The following ATAD2 variants were observed in gnomAD, a reference collection of about 807,000 sequenced individuals.
ATAD2 encodes ATPase family AAA domain-containing protein 2.
In ATAD2, 62 loss-of-function variants were observed where a neutral mutation model predicts 168.9. The observed-to-expected ratio is 0.37, with a 90% CI of 0.30 to 0.45. ATAD2 has a LOEUF of 0.45. ATAD2 is among the 20% of genes least tolerant of loss of function. ATAD2 has a pLI of 1.00. For synonymous variants in ATAD2, 613 were observed against 571.6 expected (o/e 1.07, Z -1.03); for missense variants, 1,419 against 1,667.8 (o/e 0.85, Z 2.60).
chr8:123,354,864 A>AATATAT lies in ATAD2; in HGVS notation c.1646+1519_1646+1524dup, dbSNP rs1251736641. 1.4e-3 allele frequency among the ~76,000 whole-genome samples: 89 copies of AATATAT among 64,696 alleles called. 1 individual carries two copies. Among genetic ancestry groups the AATATAT allele is most frequent in the African/African-American group, 6.7e-3 (77 of 11,514 alleles). 42.4% of individuals were successfully genotyped at this position (64,696 alleles called of 152,430 possible). On this transcript the variant is annotated intron_variant, in intron 13 of 27. Coordinates refer to ENST00000287394, the MANE Select transcript of ATAD2 (RefSeq NM_014109.4). ...AAAAAAAAAAAAAAAAAAAAAAAAA[A>AATATAT]ATATATATATATATATATATATATT...
chr8:123,389,560 A>T (rs1829752871), intron 1 of ATAD2, among the ~76,000 whole-genome samples: 1 of 151,526 alleles, frequency 6.6e-6, no homozygotes, highest in African/African-American at 2.4e-5. Context: ...GAATGGCGTG[A>T]ACCCAGAAGG....
intron 1 of ATAD2, among the ~76,000 whole-genome samples, chr8:123,386,827 T>C (rs1260535160): frequency 2.6e-5 from 4 of 151,590 alleles, no homozygotes; most frequent in Non-Finnish European, 2.9e-5. Context: ...ATAAGTGGTA[T>C]AAGAGAATCT....
chr8:123,325,524 G>A (rs564552573), intron 26 of ATAD2, among the ~76,000 whole-genome samples: 1 of 152,172 alleles, frequency 6.6e-6, no homozygotes, highest in Non-Finnish European at 1.5e-5. Flanking sequence ...CTGACCTCGT[G>A]ATCCGCCCAC....
At chr8:123,400,669 TACA>T (rs927898960), upstream of ATAD2, 1 of 723,616 alleles carries the variant, frequency 1.4e-6, no homozygotes, top group African/African-American at 1.7e-5. The surrounding 1 kb of genome is among the most constrained non-coding windows in gnomAD (Gnocchi z 4.5). Context: ...CAGCCTCACC[TACA>T]ACGAGTTCCT....
chr8:123,342,031 A>C (rs1265110791), intron 19 of ATAD2, among the ~76,000 whole-genome samples: 1 of 152,202 alleles, frequency 6.6e-6, no homozygotes, highest in African/African-American at 2.4e-5. Flanking sequence ...GGCTGCAGTG[A>C]GCCAAGATCG....
intron 2 of ATAD2, among the ~76,000 whole-genome samples, chr8:123,379,720 G>A (rs1008299395): frequency 6.0e-5 from 9 of 150,766 alleles, no homozygotes; most frequent in Non-Finnish European, 1.2e-4. Context: ...ATGCCACTAT[G>A]CCCAGCTATA....
Position 123,359,291 on chromosome 8 carries a change from G to C in ATAD2, c.1312C>G (p.Leu438Val). 6.2e-7 allele frequency: 1 copy of C among 1,612,704 alleles called. No individual in the cohort carries two copies. ...AATGGAAACACCACCATCTCTTTTA[G>C]AGCTGCTATATGATTAGACAGGCCA... ...VGGLSNHIAALKEMVVFPLLY... is the reference protein window; with the variant it reads ...VGGLSNHIAAVKEMVVFPLLY... Residue 438 changes from leucine to valine, a missense_variant, in exon 11 of 28, where the codon CTA becomes GTA. Physicochemically the swap from Leu to Val is conservative, Grantham distance 32 (BLOSUM62 1). Coordinates refer to ENST00000287394, the MANE Select transcript of ATAD2 (RefSeq NM_014109.4).
intron 1 of ATAD2, among the ~76,000 whole-genome samples, chr8:123,385,304 T>A (rs1829616626): frequency 6.6e-6 from 1 of 152,002 alleles, no homozygotes; most frequent in African/African-American, 2.4e-5. Context: ...AAATGCAAAT[T>A]AAAAGAGAGA....
rs116024965 is a variant in ATAD2 at position 123,409,052 on chromosome 8, C to T, written c.-2282+7196G>A. Among the ~76,000 whole-genome samples, 336 of 152,280 alleles carry T rather than the reference C, an allele frequency of 2.2e-3. 3 individuals are homozygous for T. Among genetic ancestry groups the T allele is most frequent in the African/African-American group, 7.8e-3 (324 of 41,568 alleles). ...TGTGTTGGCCAGACTCATCTAACTC[C>T]TGACCTCAGGTGATCCACTCGCCTC... On this transcript the variant is annotated intron_variant, in intron 1 of 28. Coordinates refer to the ATAD2 transcript ENST00000521903.
chr8:123,373,017 C>T lies in ATAD2; in HGVS notation c.321-331G>A, dbSNP rs921323600. On this transcript the variant is annotated intron_variant, in intron 2 of 27. Coordinates refer to ENST00000287394, the MANE Select transcript of ATAD2 (RefSeq NM_014109.4). ...ACGCCATTCTCCTGCCTCAGCTTCC[C>T]GAATAGTTGGGACTATAGGCTCCTG... Among the ~76,000 whole-genome samples the T allele has an allele frequency of 3.3e-5, 5 of 151,864 alleles. No individual in the cohort carries two copies. The East Asian group carries it at 5.8e-4, about 18-fold the overall frequency.
intron 14 of ATAD2, among the ~76,000 whole-genome samples, chr8:123,348,833 A>G (rs1828343216): frequency 6.6e-6 from 1 of 152,230 alleles, no homozygotes; most frequent in African/African-American, 2.4e-5. Flanking sequence ...CAAATAAGAG[A>G]AAAGTAACTA....
At chr8:123,375,537 C>T (rs1370596911) in intron 2 of ATAD2, among the ~76,000 whole-genome samples, 1 of 152,168 alleles carries the variant, frequency 6.6e-6, no homozygotes, top group Non-Finnish European at 1.5e-5. Context: ...GAACTAACAC[C>T]TACCTCCACA....
chr8:123,337,053 CAAAA>C (rs58960333), intron 21 of ATAD2, among the ~76,000 whole-genome samples: 9 of 62,002 alleles, frequency 1.5e-4, no homozygotes, highest in Admixed American at 3.3e-4. Flanking sequence ...ACCCTTACTA[CAAAA>C]AAAAAAAAAA....
chr8:123,387,669 GAAATGTTAGT>G (rs1161946779), intron 1 of ATAD2, among the ~76,000 whole-genome samples: 1 of 152,130 alleles, frequency 6.6e-6, no homozygotes, highest in African/African-American at 2.4e-5. Flanking sequence ...TTTAAGAGAG[GAAATGTTAGT>G]ATTTTGTTAA....
In ATAD2 at chr8:123,357,694, C is replaced by T; in HGVS notation, c.1425G>A (p.Leu475=). The change falls in exon 12 of 28, where the codon CTG becomes CTA. Residue 475 remains leucine, a synonymous_variant. Coordinates refer to ENST00000287394, the MANE Select transcript of ATAD2 (RefSeq NM_014109.4). The part of the protein sequence containing the change: ...FYGPPGTGKT[L]VARALANECS... Reference sequence around the variant, plus strand: ...ACTCATTGGCAAGTGCTCTGGCAACCAGAGTCTTTCCAGTTCCAGGTGGCC... The same window carrying T: ...ACTCATTGGCAAGTGCTCTGGCAACTAGAGTCTTTCCAGTTCCAGGTGGCC... 6.2e-7 allele frequency: 1 copy of T among 1,612,402 alleles called. No individual in the cohort carries two copies.
At position 123,357,693 on chromosome 8, in the gene ATAD2, C is replaced by T. The variant is rs768924744; in HGVS notation, c.1426G>A (p.Val476Ile). Residue 476 changes from valine to isoleucine, a missense_variant, in exon 12 of 28, where the codon GTT becomes ATT. By Grantham distance (29) the Val-to-Ile change is conservative. Around this residue, in one of 5 missense-constraint regions of ATAD2, gnomAD observed 146 missense variants for 188.3 expected, o/e 0.78. Coordinates refer to ENST00000287394, the MANE Select transcript of ATAD2 (RefSeq NM_014109.4). Reference protein sequence around the residue: ...YGPPGTGKTLVARALANECSQ... With the variant: ...YGPPGTGKTLIARALANECSQ... ...CACTCATTGGCAAGTGCTCTGGCAA[C>T]CAGAGTCTTTCCAGTTCCAGGTGGC... is the stretch of plus-strand genomic sequence containing the variant. 9.3e-6 allele frequency: 15 copies of T among 1,613,014 alleles called. No individual in the cohort carries two copies. In the South Asian group the frequency reaches 1.5e-4, roughly 17 times the overall value.
At chr8:123,344,684 C>T in intron 19 of ATAD2, 200 bp downstream of exon 19, 1 of 570,740 alleles carries the variant, frequency 1.8e-6, no homozygotes, top group South Asian at 2.1e-5. Flanking sequence ...TTTATGTATC[C>T]TTAATATATA....
In ATAD2 at chr8:123,369,890, C is replaced by T. The variant is rs750801333; in HGVS notation, c.862G>A (p.Glu288Lys). The change falls in exon 7 of 28, where the codon GAA (glutamate) becomes AAA (lysine). Residue 288 changes from glutamate (E) to lysine (K), a missense_variant. Around this residue, in one of 5 missense-constraint regions of ATAD2, gnomAD observed 419 missense variants for 423.5 expected, o/e 0.99. Transcript: ENST00000287394. ...AGATAATATCGCTTCTGATTCTCTT[C>T]TTCTCCATCTTCTTCATCTTCATCA... ...EDDEDEEDGE[E>K]ENQKRYYLRQ... 16 of 1,609,976 alleles carry T rather than the reference C, an allele frequency of 9.9e-6. No individual in the cohort carries two copies. The highest frequency in any genetic ancestry group is 1.3e-5 in the African/African-American group (1 of 74,558).
chr8:123,356,365 G>C, intron 13 of ATAD2, 24 bp downstream of exon 13: 2 of 1,570,614 alleles, frequency 1.3e-6, no homozygotes, highest in African/African-American at 2.7e-5. Flanking sequence ...AAGAAACGTT[G>C]AAGTGCCATC....
Sources: gnomAD v4.1 joint callset for allele counts (sites outside exome capture counted in the v4.1 genomes callset) on GRCh38, gnomAD v4.1.1 for gene constraint, gnomAD v4.1.1 regional missense constraint, Gnocchi (gnomAD v3.1) non-coding constraint, MANE v1.5 for transcripts, NCBI Gene and HGNC (gene_info 2026-07-23, HGNC 2026-07-21) for gene names.